MCPH1: variants seen among roughly 807,000 people sequenced by gnomAD.
MCPH1 encodes the protein microcephalin.
A neutral mutation model predicts 84.5 loss-of-function variants in MCPH1; 104 were observed. The ratio of observed to expected loss-of-function variants is 1.23; its 90% CI spans 1.05 to 1.45. The LOEUF is 1.45. Ranked by LOEUF, MCPH1 falls within the 40% of genes most tolerant of loss-of-function variation. The pLI, the probability that MCPH1 is intolerant of heterozygous loss-of-function variation, is 0.00. For synonymous variants in MCPH1, 514 were observed against 366.8 expected, an observed-to-expected ratio of 1.40 and a Z score of -4.58; for missense variants, 1,498 against 1,005.7, an observed-to-expected ratio of 1.49 and a Z score of -6.62.
At chr8:6,423,961 A>C (rs1800659738) in intron 3 of MCPH1, among the ~76,000 whole-genome samples, 1 of 152,208 alleles carries the variant, frequency 6.6e-6, no homozygotes, top group Admixed American at 6.5e-5. Flanking sequence ...GCATAGAGAT[A>C]AGAGCCAAAC....
In MCPH1 at chr8:6,480,718, C is replaced by G. The variant is rs369240170; in HGVS notation, c.1978C>G (p.Gln660Glu). 1.5e-5 allele frequency: 24 copies of G among 1,614,148 alleles called. No homozygotes were observed. The highest frequency in any genetic ancestry group is 1.3e-4 in the African/African-American group (10 of 75,022). The part of the protein sequence containing the change: ...LVMTSMPSEK[Q>E]NVVIQVVDKL... The stretch of plus-strand genomic sequence containing the variant: ...ATTTTTCCCCCGATTTGACAGAAAG[C>G]AGAATGTCGTCATCCAGGTTGTGGA... Residue 660 changes from glutamine to glutamate, a missense_variant, in exon 11 of 14, where the codon CAG becomes GAG. Physicochemically the swap from Gln to Glu is conservative, Grantham distance 29. Transcript: ENST00000344683.
intron 12 of MCPH1, among the ~76,000 whole-genome samples, chr8:6,575,043 G>A (rs1256449403): frequency 6.6e-6 from 1 of 152,182 alleles, no homozygotes; most frequent in East Asian, 1.9e-4. Flanking sequence ...GATTCTCAAG[G>A]GCTCGGAAGG....
At chr8:6,521,102 A>T in intron 12 of MCPH1, 1 of 1,182,778 alleles carries the variant, frequency 8.5e-7, no homozygotes, top group Non-Finnish European at 1.2e-6. Context: ...CTGAAAGGTG[A>T]GAATTTTTTA....
At chr8:6,489,698 G>GTA (rs1810351794) in intron 11 of MCPH1, among the ~76,000 whole-genome samples, 1 of 152,028 alleles carries the variant, frequency 6.6e-6, no homozygotes, top group African/African-American at 2.4e-5. Flanking sequence ...GCAGCGAATG[G>GTA]GGCACTGTGA....
At chr8:6,480,691 T>C (rs371445605) in intron 10 of MCPH1, 23 bp from the exon 11 acceptor site, 8 of 1,614,020 alleles carry the variant, frequency 5.0e-6, no homozygotes, top group Non-Finnish European at 6.8e-6. Context: ...TTCATTTTGT[T>C]AATTTTTCCC....
intron 12 of MCPH1, among the ~76,000 whole-genome samples, chr8:6,503,779 T>G (rs1344493127): frequency 6.6e-6 from 1 of 152,104 alleles, no homozygotes; most frequent in Non-Finnish European, 1.5e-5. Flanking sequence ...AAAAGGAAAT[T>G]TAAAGTGAGA....
At chr8:6,623,150 G>T (rs1223143023) in intron 13 of MCPH1, among the ~76,000 whole-genome samples, 1 of 151,186 alleles carries the variant, frequency 6.6e-6, no homozygotes, top group African/African-American at 2.4e-5. Context: ...ACTGCACCCA[G>T]CCCCAGTGGC....
At chr8:6,411,890 A>G (rs759462498) in intron 2 of MCPH1, among the ~76,000 whole-genome samples, 3 of 152,268 alleles carry the variant, frequency 2.0e-5, no homozygotes, top group Middle Eastern at 3.4e-3. Context: ...ATGTGCTCTT[A>G]TAGGGAGTTT....
chr8:6,504,397 C>A (rs554069625), intron 12 of MCPH1, among the ~76,000 whole-genome samples: 7 of 152,038 alleles, frequency 4.6e-5, no homozygotes, highest in East Asian at 3.9e-4. Context: ...CTCCTGATGC[C>A]CACTTCATCC....
At chr8:6,520,475 A>C (rs1817105956) in intron 12 of MCPH1, among the ~76,000 whole-genome samples, 1 of 152,036 alleles carries the variant, frequency 6.6e-6, no homozygotes, top group African/African-American at 2.4e-5. Context: ...AGCTTACCGC[A>C]TCCTCCTCCT....
intron 12 of MCPH1, among the ~76,000 whole-genome samples, chr8:6,509,913 C>A (rs2129566208): frequency 6.6e-6 from 1 of 152,276 alleles, no homozygotes; most frequent in East Asian, 1.9e-4. Flanking sequence ...TGGCTCGCTG[C>A]CGCTGCCTGG....
At chr8:6,482,470 C>G (rs1384165140) in intron 11 of MCPH1, among the ~76,000 whole-genome samples, 1 of 152,202 alleles carries the variant, frequency 6.6e-6, no homozygotes, top group African/African-American at 2.4e-5. Flanking sequence ...TGAATGAGTT[C>G]TGTGTTTTAT....
chr8:6,415,482 T>C (rs1456945679), intron 3 of MCPH1, among the ~76,000 whole-genome samples: 1 of 151,748 alleles, frequency 6.6e-6, no homozygotes, highest in Non-Finnish European at 1.5e-5. Flanking sequence ...GCCTCCCGAG[T>C]AGCTGGGATT....
At chr8:6,620,212 G>C (rs114950938) in intron 12 of MCPH1, 6 of 152,134 alleles carry the variant, frequency 3.9e-5, no homozygotes, top group Non-Finnish European at 7.4e-5. Context: ...GCTGAGGCTC[G>C]GTATTTATTA....
At chr8:6,547,587 AG>A (rs1822829442) in intron 12 of MCPH1, among the ~76,000 whole-genome samples, 1 of 152,240 alleles carries the variant, frequency 6.6e-6, no homozygotes, top group African/African-American at 2.4e-5. Flanking sequence ...GGACCACCGT[AG>A]AATGGCTGAC....
chr8:6,415,242 C>A (rs140697109), intron 3 of MCPH1, among the ~76,000 whole-genome samples: 2 of 151,442 alleles, frequency 1.3e-5, no homozygotes, highest in Non-Finnish European at 2.9e-5. Context: ...GACTTTCTCA[C>A]AACTCTGGAG....
At chr8:6,632,821 GA>G (rs11464307) in intron 13 of MCPH1, among the ~76,000 whole-genome samples, 2 of 149,862 alleles carry the variant, frequency 1.3e-5, no homozygotes, top group African/African-American at 2.5e-5. Flanking sequence ...AAGAAGAAAA[GA>G]AAAAAAAACT....
intron 13 of MCPH1, among the ~76,000 whole-genome samples, chr8:6,622,723 C>G (rs554750991): frequency 6.6e-6 from 1 of 152,196 alleles, no homozygotes; most frequent in Non-Finnish European, 1.5e-5. Flanking sequence ...TGTGACCTCA[C>G]GTGGCCTTTC....
chr8:6,479,955 A>G (rs897543247), intron 10 of MCPH1, among the ~76,000 whole-genome samples: 3 of 152,154 alleles, frequency 2.0e-5, no homozygotes, highest in East Asian at 1.9e-4. Context: ...TAGAAAAACT[A>G]TGTGTTGATA....
Sources: gnomAD v4.1 joint callset for allele counts (sites outside exome capture counted in the v4.1 genomes callset) on GRCh38, gnomAD v4.1.1 for gene constraint, MANE v1.5 for transcripts, NCBI Gene and HGNC (gene_info 2026-07-23, HGNC 2026-07-21) for gene names.